The following CAST variants were observed in gnomAD, a reference collection of about 807,000 sequenced individuals.
The protein encoded by CAST is calpastatin, also known as MIR583 host.
A neutral mutation model predicts 119.6 loss-of-function variants in CAST; 76 were observed. The observed-to-expected ratio is 0.64, with a 90% CI of 0.53 to 0.77. The LOEUF is 0.77. Among genes scored for constraint, CAST ranks in the 30% least tolerant of loss-of-function variants. The pLI is 0.00. For synonymous variants in CAST, 319 were observed against 331.6 expected, an observed-to-expected ratio of 0.96 and a Z score of 0.41; for missense variants, 953 against 946.5, an observed-to-expected ratio of 1.01 and a Z score of -0.09.
rs148003479 is a variant in CAST, at chr5:96,590,452, G to A, written c.60+60572G>A. ...GACTCTCTCAACCCTTGGAGCAGATGGGTGGAATTGACTTGGCCAGAACCC... is the reference window on the plus strand; with the variant it reads ...GACTCTCTCAACCCTTGGAGCAGATAGGTGGAATTGACTTGGCCAGAACCC... On this transcript the variant is annotated intron_variant, in intron 1 of 11. Coordinates refer to the CAST transcript ENST00000505143. Among the ~76,000 whole-genome samples the A allele has an allele frequency of 1.2e-4, 18 of 152,322 alleles. 1 individual carries two copies. Among genetic ancestry groups the A allele is most frequent in the African/African-American group, 4.3e-4 (18 of 41,576 alleles).
At chr5:96,572,647 G>C (rs1355296202) in intron 1 of CAST, among the ~76,000 whole-genome samples, 1 of 152,148 alleles carries the variant, frequency 6.6e-6, no homozygotes, top group Non-Finnish European at 1.5e-5. Context: ...GTATCTCCTG[G>C]CCTTTTCTTC....
chr5:96,713,844 G>A (rs1386000517), intron 3 of CAST, among the ~76,000 whole-genome samples: 1 of 151,996 alleles, frequency 6.6e-6, no homozygotes, highest in Non-Finnish European at 1.5e-5. Context: ...GTGTGGTGGT[G>A]CACACCTGTA....
chr5:96,240,735 CTTTTTTTTT>C, the CAST span, among the ~76,000 whole-genome samples: 1 of 102,444 alleles, frequency 9.8e-6, no homozygotes, highest in Non-Finnish European at 2.0e-5. Flanking sequence ...AGCTAACTTT[CTTTTTTTTT>C]TTTTTTTTTT....
At chr5:96,491,216 T>A in the CAST span, among the ~76,000 whole-genome samples, 1 of 151,858 alleles carries the variant, frequency 6.6e-6, no homozygotes, top group East Asian at 1.9e-4. Context: ...CCGGGCACGG[T>A]GGCTCAAGCC....
the CAST span, among the ~76,000 whole-genome samples, chr5:96,295,408 A>G: frequency 6.6e-6 from 1 of 152,232 alleles, no homozygotes; most frequent in Non-Finnish European, 1.5e-5. Context: ...TGCCCTGGGC[A>G]TGACACACTT....
chr5:95,975,056 C>T, the CAST span, among the ~76,000 whole-genome samples: 1 of 152,116 alleles, frequency 6.6e-6, no homozygotes, highest in African/African-American at 2.4e-5. Flanking sequence ...CAGTGGCATG[C>T]ATGGGCAGAA....
chr5:96,385,217 C>T, the CAST span, among the ~76,000 whole-genome samples: 8 of 152,150 alleles, frequency 5.3e-5, no homozygotes, highest in Admixed American at 4.6e-4. Context: ...CTCCTAAGAA[C>T]GTTGGTTCCT....
intron 2 of CAST, among the ~76,000 whole-genome samples, chr5:96,692,390 C>A (rs549889358): frequency 5.9e-5 from 9 of 152,282 alleles, no homozygotes; most frequent in African/African-American, 2.2e-4. Flanking sequence ...CAAACCAGAT[C>A]CTGGAAGAAA....
At chr5:96,333,112 G>A in the CAST span, among the ~76,000 whole-genome samples, 13 of 151,518 alleles carry the variant, frequency 8.6e-5, no homozygotes, top group African/African-American at 2.9e-4. Flanking sequence ...TCCCATCAAC[G>A]AAGTGCAAAT....
the CAST span, among the ~76,000 whole-genome samples, chr5:96,441,834 T>A: frequency 1.3e-5 from 2 of 152,292 alleles, no homozygotes; most frequent in South Asian, 4.2e-4. Context: ...AAACAGCCTT[T>A]CTGTGATTAT....
chr5:96,611,473 G>A lies in CAST; in HGVS notation c.61-64066G>A, dbSNP rs189480157. On this transcript the variant is annotated intron_variant, in intron 1 of 11. Transcript: ENST00000505143. Reference sequence around the variant, plus strand: ...AAAAATTAACTCAAGATGGATTAAAGGCTTAAATGTAAGACCTCAAACTAT... The same window carrying A: ...AAAAATTAACTCAAGATGGATTAAAAGCTTAAATGTAAGACCTCAAACTAT... Among the ~76,000 whole-genome samples the A allele has an allele frequency of 2.7e-3, 417 of 152,224 alleles. 2 individuals are homozygous for A. The highest frequency in any genetic ancestry group is 9.7e-3 in the African/African-American group (404 of 41,536).
chr5:96,737,347 A>G (rs151205576), intron 10 of CAST, among the ~76,000 whole-genome samples: 1 of 152,334 alleles, frequency 6.6e-6, no homozygotes, highest in East Asian at 1.9e-4. Flanking sequence ...ATGAAATAAT[A>G]CAGAGTGATT....
the CAST span, among the ~76,000 whole-genome samples, chr5:96,449,287 C>G: frequency 6.6e-6 from 1 of 152,154 alleles, no homozygotes; most frequent in South Asian, 2.1e-4. Flanking sequence ...AGTAAAGGTC[C>G]GTGACCTGTT....
chr5:96,691,971 C>T lies in CAST; in HGVS notation c.139-3865C>T, dbSNP rs149921220. On this transcript the variant is annotated intron_variant, in intron 2 of 31. Transcript: ENST00000675179. Reference sequence around the variant, plus strand: ...TGTTATTTTGAAAATTTTAAAGACTCGAGTTCTGATTGACTCAGTAAAAAA... The same window carrying T: ...TGTTATTTTGAAAATTTTAAAGACTTGAGTTCTGATTGACTCAGTAAAAAA... Among the ~76,000 whole-genome samples the T allele has an allele frequency of 2.7e-3, 408 of 152,266 alleles. 9 individuals are homozygous for T. The highest frequency in any genetic ancestry group is 0.02 in the Admixed American group (306 of 15,292).
At chr5:96,215,903 G>C in the CAST span, among the ~76,000 whole-genome samples, 3,213 of 152,212 alleles carry the variant, frequency 0.021, 113 homozygotes, top group African/African-American at 0.073. Flanking sequence ...TGCCTCTCGG[G>C]TACAAGTGAT....
the CAST span, among the ~76,000 whole-genome samples, chr5:96,205,828 T>C: frequency 2.0e-5 from 3 of 152,134 alleles, no homozygotes; most frequent in African/African-American, 7.2e-5. Context: ...TTTGGGTATA[T>C]ACCCAATATG....
chr5:96,369,238 C>G, the CAST span, among the ~76,000 whole-genome samples: 1 of 151,672 alleles, frequency 6.6e-6, no homozygotes, highest in Non-Finnish European at 1.5e-5. Context: ...ACATAAATCT[C>G]TTTATGAGTT....
the CAST span, among the ~76,000 whole-genome samples, chr5:96,099,383 G>A: frequency 2.0e-5 from 3 of 152,130 alleles, no homozygotes; most frequent in Admixed American, 1.3e-4. Flanking sequence ...TGGTGAGAGA[G>A]GGCATCTTTG....
At chr5:95,992,919 A>C in the CAST span, among the ~76,000 whole-genome samples, 14 of 152,012 alleles carry the variant, frequency 9.2e-5, no homozygotes, top group Admixed American at 9.2e-4. Context: ...AATTCAAAAC[A>C]ATTTTGAAAA....
Sources: allele counts gnomAD v4.1 joint callset (sites outside exome capture counted in the v4.1 genomes callset), GRCh38; gene constraint gnomAD v4.1.1; transcripts MANE v1.5; gene names NCBI Gene and HGNC (gene_info 2026-07-23, HGNC 2026-07-21).